SCAMP1: variants seen among roughly 807,000 people sequenced by gnomAD.
SCAMP1 encodes secretory carrier-associated membrane protein 1.
Under a neutral mutation model 41.8 loss-of-function variants are expected in SCAMP1, and 15 were observed. The ratio of observed to expected loss-of-function variants is 0.36; its 90% CI spans 0.24 to 0.55. SCAMP1 has a LOEUF of 0.55. Among genes scored for constraint, SCAMP1 ranks in the 20% least tolerant of loss-of-function variants. The probability of loss-of-function intolerance (pLI) is 0.86; values close to 1 mark genes in which losing one functional copy is unlikely to be tolerated. For missense variants in SCAMP1, 341 were observed against 412.6 expected, an observed-to-expected ratio of 0.83 and a Z score of 1.50; for synonymous variants, 135 against 136.8, an observed-to-expected ratio of 0.99 and a Z score of 0.09.
chr5:78,457,455 C>T (rs1753444267), intron 7 of SCAMP1, among the ~76,000 whole-genome samples: 1 of 152,046 alleles, frequency 6.6e-6, no homozygotes, highest in Non-Finnish European at 1.5e-5. Flanking sequence ...TGTAAGGTGT[C>T]AGTGTGCCCC....
intron 2 of SCAMP1, among the ~76,000 whole-genome samples, chr5:78,391,147 C>G (rs998405403): frequency 1.3e-5 from 2 of 152,246 alleles, no homozygotes; most frequent in Non-Finnish European, 2.9e-5. Flanking sequence ...CATCATGGCC[C>G]GTTCTCAATG....
chr5:78,403,463 T>G (rs973741685), intron 2 of SCAMP1, among the ~76,000 whole-genome samples: 2 of 140,964 alleles, frequency 1.4e-5, no homozygotes, highest in African/African-American at 5.2e-5. Flanking sequence ...ATTGTTGCTG[T>G]TATTATTTTG....
At chr5:78,453,442 A>G (rs1359867201) in intron 7 of SCAMP1, among the ~76,000 whole-genome samples, 1 of 151,944 alleles carries the variant, frequency 6.6e-6, no homozygotes, top group Non-Finnish European at 1.5e-5. Flanking sequence ...TTAAACAGGG[A>G]ATCCTTTCCC....
Position 78,476,928 on chromosome 5 carries a change from T to C in SCAMP1, c.*1260T>C, listed in dbSNP as rs915934099. Reference sequence around the variant, plus strand: ...CTTCATTCTTATAGTATTCTTGGGTTCAACCTTTGAATCAATTTTACCACT... The same window carrying C: ...CTTCATTCTTATAGTATTCTTGGGTCCAACCTTTGAATCAATTTTACCACT... On this transcript the variant is annotated 3_prime_UTR_variant, in exon 9 of 9. Coordinates refer to ENST00000621999, the MANE Select transcript of SCAMP1 (RefSeq NM_004866.6). The C allele has an allele frequency of 1.3e-5, 2 of 152,166 alleles. No individual in the cohort carries two copies. The highest frequency in any genetic ancestry group is 4.8e-5 in the African/African-American group (2 of 41,466). 9.4% of individuals were successfully genotyped at this position (152,166 alleles called of 1,614,324 possible).
At chr5:78,366,096 C>T (rs999018749) in intron 1 of SCAMP1, among the ~76,000 whole-genome samples, 5 of 151,690 alleles carry the variant, frequency 3.3e-5, no homozygotes, top group Admixed American at 6.6e-5. Flanking sequence ...TTCTTTGTGT[C>T]CTCACATGGC....
chr5:78,474,092 A>G (rs1193834362), intron 8 of SCAMP1, among the ~76,000 whole-genome samples: 7 of 151,744 alleles, frequency 4.6e-5, no homozygotes, highest in Admixed American at 6.6e-5. Context: ...TTGGAGACGT[A>G]TATTGCCCAG....
intron 2 of SCAMP1, among the ~76,000 whole-genome samples, chr5:78,389,716 AT>A (rs200651768): frequency 2.0e-5 from 3 of 150,594 alleles, no homozygotes; most frequent in African/African-American, 4.9e-5. Context: ...AGTTAGGGCA[AT>A]TTTTTTTTTA....
intron 7 of SCAMP1, among the ~76,000 whole-genome samples, chr5:78,452,143 A>T (rs879313861): frequency 1.3e-5 from 2 of 151,886 alleles, no homozygotes; most frequent in Non-Finnish European, 2.9e-5. Context: ...CCAAGAGTGT[A>T]ATTATTGGAT....
intron 2 of SCAMP1, among the ~76,000 whole-genome samples, chr5:78,391,663 A>T (rs1580658716): frequency 6.6e-6 from 1 of 152,228 alleles, no homozygotes; most frequent in Middle Eastern, 3.4e-3. Context: ...GGCGGCTGGG[A>T]GGTGGAGGTT....
intron 6 of SCAMP1, among the ~76,000 whole-genome samples, chr5:78,426,213 G>A (rs186305347): frequency 2.7e-4 from 41 of 152,096 alleles, no homozygotes; most frequent in African/African-American, 8.9e-4. Context: ...CATTTGGGTT[G>A]GTTCCAAGTC....
At chr5:78,427,517 A>G (rs1752497804) in intron 6 of SCAMP1, among the ~76,000 whole-genome samples, 2 of 152,162 alleles carry the variant, frequency 1.3e-5, no homozygotes, top group Admixed American at 6.5e-5. Context: ...TTTCTCTTGA[A>G]TATATTTTTA....
intron 1 of SCAMP1, among the ~76,000 whole-genome samples, chr5:78,377,047 C>T (rs1267193787): frequency 6.6e-6 from 1 of 152,192 alleles, no homozygotes; most frequent in East Asian, 1.9e-4. Flanking sequence ...TCCTTCCCTC[C>T]TCTTTTTTGC....
intron 6 of SCAMP1, among the ~76,000 whole-genome samples, chr5:78,427,984 AT>A (rs1752508906): frequency 6.6e-6 from 1 of 152,136 alleles, no homozygotes; most frequent in Non-Finnish European, 1.5e-5. Flanking sequence ...GTTTGCAGAT[AT>A]TTTATCCCAG....
chr5:78,477,655 T>G lies in SCAMP1; in HGVS notation c.*1987T>G, dbSNP rs1754036356. Reference sequence around the variant, plus strand: ...GAATGTTTATATTATGTAGAAATCTTCAAAGGTAGCATTATTAAATAGCAA... The same window carrying G: ...GAATGTTTATATTATGTAGAAATCTGCAAAGGTAGCATTATTAAATAGCAA... On this transcript the variant is annotated 3_prime_UTR_variant, in exon 9 of 9. Transcript: ENST00000621999. 1 of 152,174 alleles carries G rather than the reference T, an allele frequency of 6.6e-6. No homozygotes were observed. Among genetic ancestry groups the G allele is most frequent in the Non-Finnish European group, 1.5e-5 (1 of 67,982 alleles). The allele number at this position is 152,174 out of a possible 1,614,324, so 9.4% of individuals were successfully genotyped here.
intron 7 of SCAMP1, among the ~76,000 whole-genome samples, chr5:78,454,971 A>G (rs1484060481): frequency 2.0e-5 from 3 of 152,088 alleles, no homozygotes; most frequent in African/African-American, 7.2e-5. Flanking sequence ...TGATTTGCGT[A>G]GAGGTGTTTG....
chr5:78,386,806 G>C (rs1264283269), intron 1 of SCAMP1, among the ~76,000 whole-genome samples: 2 of 152,112 alleles, frequency 1.3e-5, no homozygotes, highest in African/African-American at 4.8e-5. Context: ...CTAGCCTGTA[G>C]GATTTCTGCT....
At chr5:78,472,712 T>C (rs1056516530) in intron 8 of SCAMP1, among the ~76,000 whole-genome samples, 31 of 152,292 alleles carry the variant, frequency 2.0e-4, no homozygotes, top group African/African-American at 7.5e-4. Flanking sequence ...GAAATGTGGC[T>C]ATTCCTACCT....
chr5:78,470,540 T>C (rs919951846), intron 8 of SCAMP1, among the ~76,000 whole-genome samples: 2 of 152,218 alleles, frequency 1.3e-5, no homozygotes, highest in Non-Finnish European at 2.9e-5. Context: ...TGTATCTGTA[T>C]ACTACATTGT....
Position 78,478,841 on chromosome 5 carries a change from T to G in SCAMP1, c.*3173T>G, listed in dbSNP as rs1754065562. 6.6e-6 allele frequency: 1 copy of G among 152,192 alleles called. No individual in the cohort carries two copies. Among genetic ancestry groups the G allele is most frequent in the Admixed American group, 6.5e-5 (1 of 15,292 alleles). The allele number at this position is 152,192 out of a possible 1,614,324, so 9.4% of individuals were successfully genotyped here. A position where few individuals can be genotyped will look rare whatever the true frequency, so the allele number is the denominator to read the frequency against. ...AAAAAAGGAACAGTATTCTTTATTT[T>G]CTGGGTGTTATATTTAAAAAAGCAA... On this transcript the variant is annotated 3_prime_UTR_variant, in exon 9 of 9. Transcript: ENST00000621999.
Sources: gnomAD v4.1 joint callset for allele counts (sites outside exome capture counted in the v4.1 genomes callset) on GRCh38, gnomAD v4.1.1 for gene constraint, MANE v1.5 for transcripts, NCBI Gene and HGNC (gene_info 2026-07-23, HGNC 2026-07-21) for gene names.